Variants in ARSJ observed in about 807,000 individuals in gnomAD.
ARSJ encodes the protein arylsulfatase family member J.
In ARSJ, 26 loss-of-function variants were observed where a neutral mutation model predicts 35.9. That is an observed-to-expected ratio of 0.72 (90% CI 0.53 to 1.00). The LOEUF (loss-of-function observed/expected upper bound fraction) is 1.00, where lower values mean the gene tolerates loss of function less well. ARSJ is among the 50% of genes least tolerant of loss of function. ARSJ has a pLI of 0.00. For synonymous variants in ARSJ, 294 were observed against 267.6 expected (o/e 1.10, Z -0.96); for missense variants, 667 against 723.6 (o/e 0.92, Z 0.90).
intron 1 of ARSJ, among the ~76,000 whole-genome samples, chr4:113,942,299 C>T (rs1016653217): frequency 6.6e-6 from 1 of 151,850 alleles, no homozygotes; most frequent in Admixed American, 6.6e-5. Flanking sequence ...AAACAGCTTC[C>T]AGATCAATAT....
At chr4:113,907,337 C>A (rs1311269893) in intron 1 of ARSJ, among the ~76,000 whole-genome samples, 1 of 152,036 alleles carries the variant, frequency 6.6e-6, no homozygotes, top group Non-Finnish European at 1.5e-5. Context: ...AAAGTCCTGC[C>A]AAGTTAGCTT....
rs189703587 is a variant in ARSJ at position 113,907,602 on chromosome 4, A to G, written c.399-3927T>C. ...CAGGTAGGAGTGTTTCATTTAGTTGAAAAAAAGTAAAGAAAAGAAAGAAAA... is the reference window on the plus strand; with the variant it reads ...CAGGTAGGAGTGTTTCATTTAGTTGGAAAAAAGTAAAGAAAAGAAAGAAAA... On this transcript the variant is annotated intron_variant, in intron 1 of 1. Transcript: ENST00000315366. 2.0e-5 allele frequency among the ~76,000 whole-genome samples: 3 copies of G among 152,208 alleles called. No individual in the cohort carries two copies. In the East Asian group the frequency reaches 5.8e-4, roughly 29 times the overall value.
intron 1 of ARSJ, among the ~76,000 whole-genome samples, chr4:113,957,128 G>T (rs1337831930): frequency 2.0e-5 from 3 of 151,988 alleles, no homozygotes; most frequent in African/African-American, 7.2e-5. Flanking sequence ...AATATAAAAC[G>T]TTTTCAAGCA....
intron 1 of ARSJ, among the ~76,000 whole-genome samples, chr4:113,920,658 T>C (rs1293453378): frequency 6.6e-6 from 1 of 152,156 alleles, no homozygotes; most frequent in Non-Finnish European, 1.5e-5. Context: ...TTCAGAAGGC[T>C]GCATGTCTCT....
intron 1 of ARSJ, among the ~76,000 whole-genome samples, chr4:113,915,981 G>A (rs551192832): frequency 1.3e-5 from 2 of 152,314 alleles, no homozygotes; most frequent in African/African-American, 2.4e-5. Context: ...TGGAAAGCTC[G>A]CAGTTTTAAT....
intron 1 of ARSJ, among the ~76,000 whole-genome samples, chr4:113,939,357 G>A (rs1724992425): frequency 6.7e-6 from 1 of 149,516 alleles, no homozygotes; most frequent in African/African-American, 2.5e-5. Context: ...TGTGAATAGT[G>A]CCACAATAAA....
chr4:113,929,657 A>G (rs141616054), intron 1 of ARSJ, among the ~76,000 whole-genome samples: 360 of 152,228 alleles, frequency 2.4e-3, no homozygotes, highest in African/African-American at 8.3e-3. Context: ...TCAGCCACTC[A>G]CATGATAAGA....
intron 1 of ARSJ, among the ~76,000 whole-genome samples, chr4:113,922,715 T>C (rs1723762284): frequency 6.6e-6 from 1 of 152,172 alleles, no homozygotes; most frequent in Non-Finnish European, 1.5e-5. Context: ...TATCTGGTGA[T>C]TTGTTAAACA....
chr4:113,972,064 T>C (rs1727284037), intron 1 of ARSJ, among the ~76,000 whole-genome samples: 1 of 152,178 alleles, frequency 6.6e-6, no homozygotes. Flanking sequence ...AAAATATTTG[T>C]AGTATTTTGT....
rs79537105 is a variant in ARSJ at position 113,913,032 on chromosome 4, T to A, written c.399-9357A>T. 9.3e-3 allele frequency among the ~76,000 whole-genome samples: 1,420 copies of A among 152,318 alleles called. 35 individuals are homozygous for A. The highest frequency in any genetic ancestry group is 0.063 in the East Asian group (328 of 5,188). On this transcript the variant is annotated intron_variant, in intron 1 of 1. Transcript: ENST00000315366. ...GGACACACTCACTCATCTCCTGTTC[T>A]GCCTAGCAGGGACATCTACTCAGGA...
chr4:113,938,147 GA>G, intron 1 of ARSJ, among the ~76,000 whole-genome samples: 1 of 152,140 alleles, frequency 6.6e-6, no homozygotes, highest in Non-Finnish European at 1.5e-5. Flanking sequence ...ATACTATGAG[GA>G]TACAGTAACC....
chr4:113,963,745 G>A (rs728313), intron 1 of ARSJ, among the ~76,000 whole-genome samples: 16,237 of 152,012 alleles, frequency 0.11, 1,084 homozygotes, highest in East Asian at 0.22. Flanking sequence ...CTTAAATCAA[G>A]GGCCATTACT....
chr4:113,952,742 C>G (rs1392897511), intron 1 of ARSJ, among the ~76,000 whole-genome samples: 2 of 152,038 alleles, frequency 1.3e-5, no homozygotes, highest in African/African-American at 4.8e-5. Context: ...AGAGGCTACT[C>G]TCAGGTTTAC....
chr4:113,965,372 C>A (rs1481198988), intron 1 of ARSJ, among the ~76,000 whole-genome samples: 1 of 152,042 alleles, frequency 6.6e-6, no homozygotes, highest in East Asian at 1.9e-4. Context: ...GCAGGGATAA[C>A]AAACCCATCC....
rs1309965492 is a variant in ARSJ at position 113,914,180 on chromosome 4, G to A, written c.399-10505C>T. On this transcript the variant is annotated intron_variant, in intron 1 of 1. Coordinates refer to ENST00000315366, the MANE Select transcript of ARSJ (RefSeq NM_024590.4). ...TTACAGACCGGGTTTCACTATGTTG[G>A]CCAGGCTGGTCTCGAACTCCTGACC... is the stretch of plus-strand genomic sequence containing the variant. Among the ~76,000 whole-genome samples the A allele has an allele frequency of 2.0e-5, 3 of 152,040 alleles. No individual in the cohort carries two copies. In the East Asian group the frequency reaches 5.8e-4, roughly 29 times the overall value.
At chr4:113,975,452 TA>T (rs1727532026) in intron 1 of ARSJ, among the ~76,000 whole-genome samples, 1 of 152,206 alleles carries the variant, frequency 6.6e-6, no homozygotes, top group Admixed American at 6.6e-5. Context: ...AAAAAAATGA[TA>T]TTTTTAATCC....
chr4:113,929,413 G>A (rs957405756), intron 1 of ARSJ, among the ~76,000 whole-genome samples: 55 of 152,134 alleles, frequency 3.6e-4, no homozygotes, highest in Non-Finnish European at 6.5e-4. Flanking sequence ...AGGTGGAAAG[G>A]CTGATGGAAG....
intron 1 of ARSJ, among the ~76,000 whole-genome samples, chr4:113,917,444 A>G (rs1723380768): frequency 6.6e-6 from 1 of 152,204 alleles, no homozygotes; most frequent in African/African-American, 2.4e-5. Flanking sequence ...ATAATAATAT[A>G]AGTGAAAATG....
intron 1 of ARSJ, among the ~76,000 whole-genome samples, chr4:113,958,371 G>A (rs927782285): frequency 2.6e-5 from 4 of 151,988 alleles, no homozygotes; most frequent in Admixed American, 1.3e-4. Flanking sequence ...AAATTTAAGT[G>A]CATTACCAGC....
Sources: allele counts gnomAD v4.1 joint callset (sites outside exome capture counted in the v4.1 genomes callset), GRCh38; gene constraint gnomAD v4.1.1; transcripts MANE v1.5; gene names NCBI Gene and HGNC (gene_info 2026-07-23, HGNC 2026-07-21).